ANKRD23: variants seen among roughly 807,000 people sequenced by gnomAD.
ANKRD23 encodes ankyrin repeat domain-containing protein 23.
Under a neutral mutation model 38.1 loss-of-function variants are expected in ANKRD23, and 52 were observed. The ratio of observed to expected loss-of-function variants is 1.36; its 90% CI spans 1.09 to 1.72. The LOEUF is 1.72. ANKRD23 is among the 40% of genes most tolerant of loss of function. The probability of loss-of-function intolerance (pLI) is 0.00; values close to 1 mark genes in which losing one functional copy is unlikely to be tolerated. For synonymous variants in ANKRD23, 167 were observed against 162.9 expected (o/e 1.03, Z -0.19); for missense variants, 416 against 400.2 (o/e 1.04, Z -0.34).
In ANKRD23 at chr2:96,842,511, C is replaced by A. The variant is rs780093792; in HGVS notation, c.28G>T (p.Val10Leu). Reference protein sequence around the residue: MDFISIQQLVSGERVEGKVL... With the variant: MDFISIQQLLSGERVEGKVL... ...TTCCCTTCAACTCTTTCTCCACTTA[C>A]CTGTAGGAACAGGATATGAGTACTG... The change falls in exon 2 of 9, where the codon GTA becomes TTA. Residue 10 changes from valine (V) to leucine (L), a missense_variant and splice_region_variant. Transcript: ENST00000318357. 7 of 1,612,794 alleles carry A rather than the reference C, an allele frequency of 4.3e-6. No homozygotes were observed. The highest frequency in any genetic ancestry group is 2.5e-6 in the Non-Finnish European group (3 of 1,179,472).
Position 96,839,021 on chromosome 2 carries a change from C to T in ANKRD23, c.*528G>A. On this transcript the variant is annotated 3_prime_UTR_variant, in exon 9 of 9. Transcript: ENST00000318357. ...CCCCAGAGAAAGCCATGCCCACAGG[C>T]ATCCACCAGCTGCAGACAGGCCCGG... The T allele has an allele frequency of 1.0e-5, 10 of 986,014 alleles. No individual in the cohort carries two copies. Among genetic ancestry groups the T allele is most frequent in the Non-Finnish European group, 1.2e-5 (10 of 830,368 alleles). The allele number at this position is 986,014 out of a possible 1,614,324, so 61.1% of individuals were successfully genotyped here.
At chr2:96,842,535 T>G in intron 1 of ANKRD23, 24 bp from the exon 2 acceptor site, 1 of 1,592,498 alleles carries the variant, frequency 6.3e-7, no homozygotes, top group Non-Finnish European at 8.5e-7. Flanking sequence ...ATATGAGTAC[T>G]GAGTTGGGAA....
rs1184888167 is a variant in ANKRD23, at chr2:96,840,819, T to C, written c.394A>G (p.Thr132Ala). Residue 132 changes from threonine (T) to alanine (A), a missense_variant, in exon 4 of 9, where the codon ACA (threonine) becomes GCA (alanine). Transcript: ENST00000318357. ...NQEYLIDKYL[T>A]DGGDPNAHDK... Reference sequence around the variant, plus strand: ...TGGGCATTGGGGTCCCCTCCGTCTGTCAAGTACTTGTCAATCAGGTACTCC... The same window carrying C: ...TGGGCATTGGGGTCCCCTCCGTCTGCCAAGTACTTGTCAATCAGGTACTCC... The C allele has an allele frequency of 1.2e-6, 2 of 1,614,218 alleles. No homozygotes were observed. Among genetic ancestry groups the C allele is most frequent in the Non-Finnish European group, 1.7e-6 (2 of 1,180,046 alleles).
rs763809902 is a variant in ANKRD23 at position 96,839,840 on chromosome 2, G to A, written c.724-15C>T. On this transcript the variant is annotated splice_polypyrimidine_tract_variant and intron_variant, in intron 7 of 8. Coordinates refer to ENST00000318357, the MANE Select transcript of ANKRD23 (RefSeq NM_144994.8). ...GTGTCCCCTTCCTGCTGAGAACGCA[G>A]GCAGTCAAGCTTCTGCCTCCGCGTG... 1.2e-6 allele frequency: 2 copies of A among 1,609,160 alleles called. No homozygotes were observed. Among genetic ancestry groups the A allele is most frequent in the Non-Finnish European group, 1.7e-6 (2 of 1,178,156 alleles).
chr2:96,840,463 C>T lies in ANKRD23; in HGVS notation c.478G>A (p.Val160Met), dbSNP rs764258615. 4 of 1,614,124 alleles carry T rather than the reference C, an allele frequency of 2.5e-6. No homozygotes were observed. The highest frequency in any genetic ancestry group is 2.5e-6 in the Non-Finnish European group (3 of 1,180,038). Reference sequence around the variant, plus strand: ...GCACCTGCCACCAGCAGCTTGTTCACCAGCTGGCTGTGACCCTTCAGACAG... The same window carrying T: ...GCACCTGCCACCAGCAGCTTGTTCATCAGCTGGCTGTGACCCTTCAGACAG... ...WACLKGHSQL[V>M]NKLLVAGATV... The change falls in exon 5 of 9, where the codon GTG becomes ATG. Residue 160 changes from valine (V) to methionine (M), a missense_variant. Coordinates refer to ENST00000318357, the MANE Select transcript of ANKRD23 (RefSeq NM_144994.8).
In ANKRD23 at chr2:96,839,727, C is replaced by G. The variant is rs745443017; in HGVS notation, c.822G>C (p.Ala274=). The G allele has an allele frequency of 1.2e-6, 2 of 1,612,864 alleles. No homozygotes were observed. Among genetic ancestry groups the G allele is most frequent in the South Asian group, 2.2e-5 (2 of 90,980 alleles). Reference sequence around the variant, plus strand: ...GAGCCAGGGCTGCGCCCACACTCACCGCGTTCCGCACCCCCAGCTCGGCCC... The same window carrying G: ...GAGCCAGGGCTGCGCCCACACTCACGGCGTTCCGCACCCCCAGCTCGGCCC... ...LYGAELGVRN[A]ASVTPVQLAR... Residue 274 remains alanine, a splice_region_variant and synonymous_variant, in exon 8 of 9, where the codon GCG becomes GCC. Coordinates refer to ENST00000318357, the MANE Select transcript of ANKRD23 (RefSeq NM_144994.8).
chr2:96,842,274 C>T, intron 2 of ANKRD23, 89 bp from the exon 3 acceptor site: 1 of 1,605,996 alleles, frequency 6.2e-7, no homozygotes, highest in Non-Finnish European at 8.5e-7. Flanking sequence ...GCTGCTCAGG[C>T]TGCCCCACCA....
rs745443017 is a variant in ANKRD23 at position 96,839,727 on chromosome 2, C to T, written c.822G>A (p.Ala274=). 5.0e-6 allele frequency: 8 copies of T among 1,612,864 alleles called. No individual in the cohort carries two copies. Among genetic ancestry groups the T allele is most frequent in the South Asian group, 4.4e-5 (4 of 90,980 alleles). The change falls in exon 8 of 9, where the codon GCG becomes GCA. Residue 274 remains alanine (A), a splice_region_variant and synonymous_variant. Transcript: ENST00000318357. ...LYGAELGVRN[A]ASVTPVQLAR... ...GAGCCAGGGCTGCGCCCACACTCAC[C>T]GCGTTCCGCACCCCCAGCTCGGCCC...
At chr2:96,842,344 C>G (rs375900322) in intron 2 of ANKRD23, 21 bp downstream of exon 2, 4 of 1,571,730 alleles carry the variant, frequency 2.5e-6, no homozygotes, top group East Asian at 2.2e-5. Context: ...CCCCCAACCC[C>G]GGCCCCCGCC....
At position 96,839,560 on chromosome 2, in the gene ANKRD23, T is replaced by G. The variant is rs74826568; in HGVS notation, c.907A>C (p.Thr303Pro). The G allele has an allele frequency of 4.0e-3, 5,762 of 1,455,274 alleles. 313 individuals carry two copies. The East Asian group carries it at 0.12, about 32-fold the overall frequency. The allele number at this position is 1,455,274 out of a possible 1,614,324, so 90.1% of individuals were successfully genotyped here. A position where few individuals can be genotyped will look rare whatever the true frequency, so the allele number is the denominator to read the frequency against. ...ALQAHVAHPRTRC is the reference protein window; with the variant it reads ...ALQAHVAHPRPRC The stretch of plus-strand genomic sequence containing the variant: ...GGGCGGTGCTGCGGTCAGCACCGGG[T>G]GCGGGGATGCGCCACGTGGGCCTGC... Residue 303 changes from threonine (T) to proline (P), a missense_variant, in exon 9 of 9, where the codon ACC becomes CCC. Thr to Pro is a conservative substitution (Grantham distance 38, BLOSUM62 -1). Transcript: ENST00000318357.
chr2:96,839,531 C>T lies in ANKRD23; in HGVS notation c.*18G>A, dbSNP rs1481709180. ...AATGGTGGCAGTGCGAAAGGCGCGG[C>T]GGGGGGCGGTGCTGCGGTCAGCACC... On this transcript the variant is annotated 3_prime_UTR_variant, in exon 9 of 9. Transcript: ENST00000318357. 3.5e-6 allele frequency: 5 copies of T among 1,427,952 alleles called. No individual in the cohort carries two copies. The highest frequency in any genetic ancestry group is 4.6e-6 in the Non-Finnish European group (5 of 1,095,918). The allele number at this position is 1,427,952 out of a possible 1,614,324, so 88.5% of individuals were successfully genotyped here. A position where few individuals can be genotyped will look rare whatever the true frequency, so the allele number is the denominator to read the frequency against.
chr2:96,839,545 G>GAC lies in ANKRD23; in HGVS notation c.*3_*4insGT, dbSNP rs2079732937. The GAC allele has an allele frequency of 6.9e-7, 1 of 1,440,426 alleles. No homozygotes were observed. Among genetic ancestry groups the GAC allele is most frequent in the Non-Finnish European group, 9.1e-7 (1 of 1,101,450 alleles). The allele number at this position is 1,440,426 out of a possible 1,614,324, so 89.2% of individuals were successfully genotyped here. Reference sequence around the variant, plus strand: ...GAAAGGCGCGGCGGGGGGCGGTGCTGCGGTCAGCACCGGGTGCGGGGATGC... The same window carrying GAC: ...GAAAGGCGCGGCGGGGGGCGGTGCTGACCGGTCAGCACCGGGTGCGGGGATGC... On this transcript the variant is annotated 3_prime_UTR_variant, in exon 9 of 9. Coordinates refer to ENST00000318357, the MANE Select transcript of ANKRD23 (RefSeq NM_144994.8).
chr2:96,841,993 C>A, intron 3 of ANKRD23, 67 bp downstream of exon 3: 1 of 1,608,614 alleles, frequency 6.2e-7, no homozygotes, highest in Non-Finnish European at 8.5e-7. Context: ...CCCACTCTGC[C>A]CCAAGCCCTT....
Position 96,838,954 on chromosome 2 carries a change from C to G in ANKRD23, c.*595G>C, listed in dbSNP as rs574501547. ...TCCTATGACCAAAGTTGTCTAGAGC[C>G]GCTCCGGACACTGCCAGGGTTGCTA... On this transcript the variant is annotated 3_prime_UTR_variant, in exon 9 of 9. Transcript: ENST00000318357. 1.0e-6 allele frequency: 1 copy of G among 985,516 alleles called. No homozygotes were observed. Among genetic ancestry groups the G allele is most frequent in the African/African-American group, 1.7e-5 (1 of 57,246 alleles). 61.0% of individuals were successfully genotyped at this position (985,516 alleles called of 1,614,324 possible). A position where few individuals can be genotyped will look rare whatever the true frequency, so the allele number is the denominator to read the frequency against.
At position 96,839,395 on chromosome 2, in the gene ANKRD23, C is replaced by G. The variant is rs1324177542; in HGVS notation, c.*154G>C. The stretch of plus-strand genomic sequence containing the variant: ...TCTCTTTGCCTGCTGGGCCCGGTGC[C>G]GCTCTTCAGTTCTGCCAGGGCTGCT... On this transcript the variant is annotated 3_prime_UTR_variant, in exon 9 of 9. Transcript: ENST00000318357. 2 of 1,270,098 alleles carry G rather than the reference C, an allele frequency of 1.6e-6. No individual in the cohort carries two copies. The highest frequency in any genetic ancestry group is 2.0e-6 in the Non-Finnish European group (2 of 1,011,282). 78.7% of individuals were successfully genotyped at this position (1,270,098 alleles called of 1,614,324 possible). A position where few individuals can be genotyped will look rare whatever the true frequency, so the allele number is the denominator to read the frequency against.
rs765859040 is a variant in ANKRD23, at chr2:96,838,883, A to G, written c.*666T>C. On this transcript the variant is annotated 3_prime_UTR_variant, in exon 9 of 9. Coordinates refer to ENST00000318357, the MANE Select transcript of ANKRD23 (RefSeq NM_144994.8). ...GACTTCTGTTGCTGTGGGGCCTCAAACCTGTTGAGTAGCCACCTCAGATGA... is the reference window on the plus strand; with the variant it reads ...GACTTCTGTTGCTGTGGGGCCTCAAGCCTGTTGAGTAGCCACCTCAGATGA... 3.0e-6 allele frequency: 3 copies of G among 985,476 alleles called. No homozygotes were observed. The highest frequency in any genetic ancestry group is 3.6e-6 in the Non-Finnish European group (3 of 829,994). 61.0% of individuals were successfully genotyped at this position (985,476 alleles called of 1,614,324 possible).
In ANKRD23 at chr2:96,839,099, C is replaced by T. The variant is rs939407332; in HGVS notation, c.*450G>A. ...CTTGTACATCCTGGATGGCATCTGC[C>T]GGCCACGGGCTGAGTCCCCACACAC... On this transcript the variant is annotated 3_prime_UTR_variant, in exon 9 of 9. Coordinates refer to ENST00000318357, the MANE Select transcript of ANKRD23 (RefSeq NM_144994.8). The T allele has an allele frequency of 1.4e-4, 136 of 990,034 alleles. No homozygotes were observed. The highest frequency in any genetic ancestry group is 1.5e-4 in the Non-Finnish European group (121 of 833,348). The allele number at this position is 990,034 out of a possible 1,614,324, so 61.3% of individuals were successfully genotyped here.
In ANKRD23 at chr2:96,839,863, G is replaced by C. The variant is rs755612425; in HGVS notation, c.724-38C>G. On this transcript the variant is annotated intron_variant, in intron 7 of 8. Transcript: ENST00000318357. The stretch of plus-strand genomic sequence containing the variant: ...CAGGCAGTCAAGCTTCTGCCTCCGC[G>C]TGCTGCCCTCCTCATGCAGGAAGGT... 15 of 1,588,728 alleles carry C rather than the reference G, an allele frequency of 9.4e-6. No homozygotes were observed. The African/African-American group carries it at 1.9e-4, about 20-fold the overall frequency.
At chr2:96,840,707 T>C (rs922556692) in intron 4 of ANKRD23, 80 bp downstream of exon 4, 27 of 1,589,242 alleles carry the variant, frequency 1.7e-5, no homozygotes, top group Non-Finnish European at 2.3e-5. Context: ...TGCAGCCTCC[T>C]AGGCCAGGAC....
Sources: allele counts gnomAD v4.1 joint callset, GRCh38; gene constraint gnomAD v4.1.1; transcripts MANE v1.5; gene names NCBI Gene and HGNC (gene_info 2026-07-23, HGNC 2026-07-21).